Variants in BRF1 observed in about 807,000 individuals in gnomAD.
BRF1 encodes the protein transcription factor IIIB 90 kDa subunit.
A neutral mutation model predicts 81.7 loss-of-function variants in BRF1; 59 were observed. The ratio of observed to expected loss-of-function variants is 0.72; its 90% CI spans 0.59 to 0.90. The LOEUF is 0.90. BRF1 is among the 40% of genes least tolerant of loss of function. The pLI is 0.00. For missense variants in BRF1, 1,050 were observed against 936.3 expected (o/e 1.12, Z -1.58); for synonymous variants, 491 against 395.6 (o/e 1.24, Z -2.86).
intron 4 of BRF1, 62 bp from the exon 5 acceptor site, chr14:105,252,641 T>TC (rs2055675058): frequency 1.3e-6 from 2 of 1,540,482 alleles, no homozygotes; most frequent in Non-Finnish European, 1.8e-6. Context: ...TTGCTTTTTT[T>TC]CTCTTAAAAT....
At chr14:105,279,183 C>T (rs901874295) in intron 2 of BRF1, among the ~76,000 whole-genome samples, 4 of 151,820 alleles carry the variant, frequency 2.6e-5, no homozygotes, top group Non-Finnish European at 4.4e-5. Flanking sequence ...CACTCCAGCC[C>T]GGACCACAGA....
At chr14:105,287,938 C>T (rs2057375950) in intron 1 of BRF1, among the ~76,000 whole-genome samples, 1 of 152,230 alleles carries the variant, frequency 6.6e-6, no homozygotes, top group Admixed American at 6.5e-5. Flanking sequence ...AAGCCCGGGC[C>T]TCCTTCAGGC....
At chr14:105,247,665 G>T (rs2055210882) in intron 5 of BRF1, 1 of 985,334 alleles carries the variant, frequency 1.0e-6, no homozygotes, top group African/African-American at 1.7e-5. Context: ...GATGCTGGCT[G>T]CGTCCTGTGG....
At chr14:105,228,949 C>T (rs748708656) in intron 6 of BRF1, 36 bp from the exon 7 acceptor site, 8 of 1,601,698 alleles carry the variant, frequency 5.0e-6, no homozygotes, top group Non-Finnish European at 4.3e-6. Flanking sequence ...TCAACCACGG[C>T]TGGGAACCAG....
intron 10 of BRF1, 134 bp downstream of exon 10, chr14:105,225,935 C>G: frequency 1.1e-6 from 1 of 937,118 alleles, no homozygotes; most frequent in Non-Finnish European, 1.6e-6. Flanking sequence ...CGTGAGCCAC[C>G]CTGCCCGGTG....
chr14:105,217,138 G>A, intron 15 of BRF1: 1 of 276,034 alleles, frequency 3.6e-6, no homozygotes. Context: ...TCAGCAGTGT[G>A]CTGCTCTCAC....
intron 4 of BRF1, among the ~76,000 whole-genome samples, chr14:105,255,276 G>A (rs1337395252): frequency 6.6e-6 from 1 of 152,268 alleles, no homozygotes; most frequent in African/African-American, 2.4e-5. Flanking sequence ...GAGAGCATCT[G>A]AAATGTGGAC....
In BRF1 at chr14:105,272,791, G is replaced by T; in HGVS notation, c.369C>A (p.Thr123=). The change falls in exon 3 of 18, where the codon ACC becomes ACA. Residue 123 remains threonine (T), a synonymous_variant. Coordinates refer to ENST00000547530, the MANE Select transcript of BRF1 (RefSeq NM_001519.4). Reference sequence around the variant, plus strand: ...TCACGTGGGCCATCTTCCGGCCGCGGGTCAGGTGCCTGCTCACGGCCATCT... The same window carrying T: ...TCACGTGGGCCATCTTCCGGCCGCGTGTCAGGTGCCTGCTCACGGCCATCT... ...FFKMAVSRHL[T]RGRKMAHVIA... is the part of the protein sequence containing the mutation. The T allele has an allele frequency of 6.2e-7, 1 of 1,614,002 alleles. No individual in the cohort carries two copies. Among genetic ancestry groups the T allele is most frequent in the Non-Finnish European group, 8.5e-7 (1 of 1,179,992 alleles).
intron 5 of BRF1, chr14:105,249,288 G>A (rs1329834013): frequency 6.4e-7 from 1 of 1,567,286 alleles, no homozygotes; most frequent in South Asian, 1.1e-5. Flanking sequence ...TGCCCCGTCC[G>A]CCCCGTCCGC....
At chr14:105,212,525 G>A (rs1327685817) in intron 15 of BRF1, 3 of 258,228 alleles carry the variant, frequency 1.2e-5, no homozygotes, top group East Asian at 9.6e-5. Context: ...TGTCAGACCC[G>A]AGAGTGCTTC....
chr14:105,241,225 C>T, intron 6 of BRF1, 40 bp downstream of exon 6: 4 of 1,602,898 alleles, frequency 2.5e-6, no homozygotes, highest in South Asian at 1.1e-5. Context: ...GAGGCCAGGA[C>T]CCAGACCAGC....
At chr14:105,217,889 C>T (rs940748027) in intron 14 of BRF1, 89 bp from the exon 15 acceptor site, 9 of 1,549,728 alleles carry the variant, frequency 5.8e-6, no homozygotes, top group South Asian at 1.2e-5. Flanking sequence ...GGAGTGCAGG[C>T]GGGTGAGGCC....
At chr14:105,225,385 G>A (rs1432266133) in intron 10 of BRF1, among the ~76,000 whole-genome samples, 1 of 152,208 alleles carries the variant, frequency 6.6e-6, no homozygotes, top group Non-Finnish European at 1.5e-5. Flanking sequence ...GGAAGTGGGG[G>A]CGGGGTCAGA....
chr14:105,275,338 C>G (rs2056837984), intron 2 of BRF1, among the ~76,000 whole-genome samples: 1 of 152,220 alleles, frequency 6.6e-6, no homozygotes, highest in East Asian at 1.9e-4. Context: ...TCATACAGCT[C>G]TGAGGCCTGC....
Position 105,210,701 on chromosome 14 carries a change from G to T in BRF1, c.1997-113C>A. 8.2e-7 allele frequency: 1 copy of T among 1,213,048 alleles called. No individual in the cohort carries two copies. The allele number at this position is 1,213,048 out of a possible 1,614,324, so 75.1% of individuals were successfully genotyped here. ...CTAGAAGACTCAGGCTCCAGCCCCAGCCCCAGCCCCCCGCGCCCCGCCAGG... is the reference window on the plus strand; with the variant it reads ...CTAGAAGACTCAGGCTCCAGCCCCATCCCCAGCCCCCCGCGCCCCGCCAGG... On this transcript the variant is annotated intron_variant, in intron 17 of 17. Coordinates refer to ENST00000547530, the MANE Select transcript of BRF1 (RefSeq NM_001519.4). This position sits in a 1 kb window ranked among gnomAD's most constrained non-coding sequence, Gnocchi z 4.7.
At chr14:105,225,600 T>C (rs1252146514) in intron 10 of BRF1, among the ~76,000 whole-genome samples, 1 of 152,024 alleles carries the variant, frequency 6.6e-6, no homozygotes, top group African/African-American at 2.4e-5. Flanking sequence ...ATCTTTGACA[T>C]ATTTTGAAAT....
chr14:105,301,089 G>C (rs1595504602), upstream of BRF1: 1 of 151,554 alleles, frequency 6.6e-6, no homozygotes, highest in Non-Finnish European at 1.5e-5. Context: ...GGGGACTAGA[G>C]CTAAGGGTGG....
At chr14:105,249,256 C>G in intron 5 of BRF1, 1 of 1,566,802 alleles carries the variant, frequency 6.4e-7, no homozygotes, top group Non-Finnish European at 8.6e-7. Flanking sequence ...AGGTGGGTAG[C>G]GGCGGCCCCT....
At chr14:105,241,790 G>C (rs2054676583) in intron 5 of BRF1, 1 of 257,294 alleles carries the variant, frequency 3.9e-6, no homozygotes, top group African/African-American at 2.2e-5. Flanking sequence ...AGACAGGCGT[G>C]GGCTGGGTAC....
Sources: gnomAD v4.1 joint callset for allele counts (sites outside exome capture counted in the v4.1 genomes callset) on GRCh38, gnomAD v4.1.1 for gene constraint, Gnocchi (gnomAD v3.1) non-coding constraint, MANE v1.5 for transcripts, NCBI Gene and HGNC (gene_info 2026-07-23, HGNC 2026-07-21) for gene names.